The following TTC29 variants were observed in gnomAD, a reference collection of about 807,000 sequenced individuals.
TTC29 encodes tetratricopeptide repeat domain 29.
Under a neutral mutation model 58.1 loss-of-function variants are expected in TTC29, and 49 were observed. That is an observed-to-expected ratio of 0.84 (90% CI 0.67 to 1.07). The LOEUF (loss-of-function observed/expected upper bound fraction) is 1.07. Among genes scored for constraint, TTC29 ranks in the 50% least tolerant of loss-of-function variants. TTC29 has a pLI of 0.00. For missense variants in TTC29, 582 were observed against 555.6 expected (o/e 1.05, Z -0.48); for synonymous variants, 209 against 196.8 (o/e 1.06, Z -0.52).
chr4:146,765,591 T>C (rs1159471499), intron 11 of TTC29, among the ~76,000 whole-genome samples: 1 of 152,174 alleles, frequency 6.6e-6, no homozygotes. Flanking sequence ...TGTAATTTCT[T>C]CCTGAAAGCA....
intron 11 of TTC29, among the ~76,000 whole-genome samples, chr4:146,720,378 T>C (rs1015839623): frequency 6.6e-5 from 10 of 152,146 alleles, no homozygotes; most frequent in Non-Finnish European, 1.5e-4. Context: ...GGCCTACCTA[T>C]CCAAGGTATT....
intron 2 of TTC29, among the ~76,000 whole-genome samples, chr4:146,940,845 T>C (rs1736321244): frequency 6.6e-6 from 1 of 152,196 alleles, no homozygotes; most frequent in South Asian, 2.1e-4. Context: ...GGGTCTAACC[T>C]TGGAAGTCAC....
rs1744243711 is a variant in TTC29 at position 146,730,473 on chromosome 4, T to A, written c.1331-22922A>T. ...AGTGCATAGATAATATTTAAGGTCA[T>A]GAAATTGGATATAATAATTAGAGAA... is the stretch of plus-strand genomic sequence containing the variant. On this transcript the variant is annotated intron_variant, in intron 11 of 12. Transcript: ENST00000325106. Among the ~76,000 whole-genome samples the A allele has an allele frequency of 2.0e-5, 3 of 152,230 alleles. No individual in the cohort carries two copies. In the South Asian group the frequency reaches 6.2e-4, roughly 32 times the overall value.
intron 11 of TTC29, among the ~76,000 whole-genome samples, chr4:146,708,240 A>T (rs1742131600): frequency 6.7e-6 from 1 of 150,138 alleles, no homozygotes; most frequent in South Asian, 2.1e-4. Flanking sequence ...TAAAAATAAT[A>T]CTCAAAAGGA....
intron 8 of TTC29, among the ~76,000 whole-genome samples, chr4:146,842,585 T>C (rs1728916619): frequency 6.6e-6 from 1 of 152,074 alleles, no homozygotes; most frequent in African/African-American, 2.4e-5. Context: ...TCAAAAATTG[T>C]CTATAAAACC....
At chr4:146,893,918 C>T (rs1732567316) in intron 6 of TTC29, among the ~76,000 whole-genome samples, 1 of 152,164 alleles carries the variant, frequency 6.6e-6, no homozygotes, top group Non-Finnish European at 1.5e-5. Flanking sequence ...AGCCAAAAGA[C>T]ACATGAAAAA....
At chr4:146,846,209 G>A (rs772978213) in intron 8 of TTC29, among the ~76,000 whole-genome samples, 1 of 152,178 alleles carries the variant, frequency 6.6e-6, no homozygotes, top group African/African-American at 2.4e-5. Flanking sequence ...TGAAGTATCA[G>A]CACAATCTTC....
chr4:146,813,126 G>A (rs1300104893), intron 10 of TTC29: 1 of 152,124 alleles, frequency 6.6e-6, no homozygotes, highest in Non-Finnish European at 1.5e-5. Context: ...GCATTATTTT[G>A]ATTTTTAGTG....
At chr4:146,897,029 G>C (rs1457790179) in intron 6 of TTC29, among the ~76,000 whole-genome samples, 1 of 152,060 alleles carries the variant, frequency 6.6e-6, no homozygotes, top group Admixed American at 6.6e-5. Context: ...ACATTCCTCA[G>C]TTAGGAGGAT....
At chr4:146,931,521 T>A (rs1442450307) in intron 4 of TTC29, among the ~76,000 whole-genome samples, 2 of 152,232 alleles carry the variant, frequency 1.3e-5, no homozygotes, top group African/African-American at 4.8e-5. Flanking sequence ...TCCAAATAGT[T>A]GTGGAAAGCA....
intron 10 of TTC29, among the ~76,000 whole-genome samples, chr4:146,818,092 T>C (rs368306922): frequency 6.6e-6 from 1 of 152,142 alleles, no homozygotes; most frequent in Non-Finnish European, 1.5e-5. Context: ...TGGGATCTAA[T>C]TAAACTAAAG....
At chr4:146,871,973 A>G (rs1730963479) in intron 7 of TTC29, among the ~76,000 whole-genome samples, 1 of 152,058 alleles carries the variant, frequency 6.6e-6, no homozygotes, top group Admixed American at 6.6e-5. Context: ...AGTATTACAA[A>G]GCACATTTCC....
At chr4:146,833,997 TG>T (rs1412624989) in intron 8 of TTC29, 100 bp from the exon 9 acceptor site, 1 of 751,874 alleles carries the variant, frequency 1.3e-6, no homozygotes, top group African/African-American at 1.8e-5. Context: ...TTGGTTTTAA[TG>T]TCTCTATAAA....
rs541232790 is a variant in TTC29, at chr4:146,837,377, A to G, written c.886-3480T>C. On this transcript the variant is annotated intron_variant, in intron 8 of 12. Coordinates refer to ENST00000325106, the MANE Select transcript of TTC29 (RefSeq NM_031956.4). Reference sequence around the variant, plus strand: ...AGGGTGGGAGGAGGAACAAGACCAGAAAAGATAACTGTTGGGTACTAGGTT... The same window carrying G: ...AGGGTGGGAGGAGGAACAAGACCAGGAAAGATAACTGTTGGGTACTAGGTT... Among the ~76,000 whole-genome samples, 146 of 152,158 alleles carry G rather than the reference A, an allele frequency of 9.6e-4. 2 individuals carry two copies. The highest frequency in any genetic ancestry group is 2.8e-3 in the African/African-American group (118 of 41,540).
chr4:146,888,553 G>T (rs1732143673), intron 6 of TTC29, among the ~76,000 whole-genome samples: 1 of 152,114 alleles, frequency 6.6e-6, no homozygotes, highest in Non-Finnish European at 1.5e-5. Context: ...AAAAGAGAAA[G>T]CAGCATTTAT....
chr4:146,860,910 T>C (rs1217245491), intron 8 of TTC29, among the ~76,000 whole-genome samples: 10 of 152,186 alleles, frequency 6.6e-5, no homozygotes, highest in Admixed American at 5.9e-4. Flanking sequence ...TGCTAATGTA[T>C]GTAAACATAG....
chr4:146,818,593 C>G (rs900738275), intron 10 of TTC29, among the ~76,000 whole-genome samples: 15 of 151,408 alleles, frequency 9.9e-5, no homozygotes, highest in African/African-American at 3.6e-4. Context: ...GGTATATACC[C>G]AAAGGACTAT....
chr4:146,921,705 A>T (rs1734592266), intron 4 of TTC29, among the ~76,000 whole-genome samples: 1 of 151,142 alleles, frequency 6.6e-6, no homozygotes, highest in African/African-American at 2.4e-5. Flanking sequence ...ATCGATTTTA[A>T]TTTTTTTCAG....
intron 11 of TTC29, among the ~76,000 whole-genome samples, chr4:146,720,293 G>A (rs1743263491): frequency 6.6e-6 from 1 of 152,048 alleles, no homozygotes; most frequent in Admixed American, 6.6e-5. Flanking sequence ...GACGAGCTCA[G>A]TATAAACCTA....
Sources: gnomAD v4.1 joint callset for allele counts (sites outside exome capture counted in the v4.1 genomes callset) on GRCh38, gnomAD v4.1.1 for gene constraint, MANE v1.5 for transcripts, NCBI Gene and HGNC (gene_info 2026-07-23, HGNC 2026-07-21) for gene names.